Variants in TRIM3 observed in about 807,000 individuals in gnomAD.
TRIM3 encodes the protein tripartite motif-containing protein 3.
TRIM3 carries 13 observed loss-of-function variants against 66.6 expected under a neutral mutation model. The ratio of observed to expected loss-of-function variants is 0.20; its 90% CI spans 0.13 to 0.31. The LOEUF (loss-of-function observed/expected upper bound fraction) is 0.31. TRIM3 is among the 10% of genes least tolerant of loss of function. The pLI, the probability that TRIM3 is intolerant of heterozygous loss-of-function variation, is 1.00. For synonymous variants in TRIM3, 406 were observed against 411.7 expected (o/e 0.99, Z 0.17); for missense variants, 711 against 1,020.4 (o/e 0.70, Z 4.13).
At position 6,457,397 on chromosome 11, in the gene TRIM3, C is replaced by G. The variant is rs760883267; in HGVS notation, c.595G>C (p.Ala199Pro). ...TCCTCGAACGCTGCACTGATCTGGG[C>G]CAGGGCCTCTGCCTTGCGCTCCTGC... Reference protein sequence around the residue: ...QLQERKAEALAQISAAFEDLE... With the variant: ...QLQERKAEALPQISAAFEDLE... Residue 199 changes from alanine to proline, a missense_variant, in exon 5 of 12, where the codon GCC becomes CCC. By Grantham distance (27) the Ala-to-Pro change is conservative. This residue lies in a region of TRIM3 where 399 missense variants were observed against 458.1 expected (regional missense o/e 0.87). Transcript: ENST00000345851. The surrounding 1 kb of genome is among the most constrained non-coding windows in gnomAD (Gnocchi z 4.5). 6.2e-7 allele frequency: 1 copy of G among 1,613,780 alleles called. No homozygotes were observed. The highest frequency in any genetic ancestry group is 8.5e-7 in the Non-Finnish European group (1 of 1,179,864).
chr11:6,472,332 T>A (rs990892687), intron 1 of TRIM3, among the ~76,000 whole-genome samples: 104 of 152,340 alleles, frequency 6.8e-4, no homozygotes, highest in African/African-American at 2.3e-3. Context: ...CATGATTAAA[T>A]CCCATCTTGT....
In TRIM3 at chr11:6,456,763, A is replaced by C. The variant is rs796717938; in HGVS notation, c.963T>G (p.Thr321=). ...CTCCCGTGGCCACCGTTTCGTGTGC[A>C]GTGGCGCTCGTGGTGAGCAGTGCGC... is the stretch of plus-strand genomic sequence containing the variant. ...NLGALLTTSA[T]AHETVATGEG... is the part of the protein sequence containing the mutation. Residue 321 remains threonine, a synonymous_variant, in exon 6 of 12, where the codon ACT becomes ACG. Transcript: ENST00000345851. This position sits in a 1 kb window ranked among gnomAD's most constrained non-coding sequence, Gnocchi z 6.4. The C allele has an allele frequency of 1.2e-6, 2 of 1,611,900 alleles. No individual in the cohort carries two copies. The highest frequency in any genetic ancestry group is 2.7e-5 in the African/African-American group (2 of 75,076).
chr11:6,464,560 A>G (rs548986424), intron 2 of TRIM3, among the ~76,000 whole-genome samples: 1 of 152,312 alleles, frequency 6.6e-6, no homozygotes, highest in South Asian at 2.1e-4. Context: ...CTCTTTCACT[A>G]TACTGTTAGC....
chr11:6,455,709 A>T (rs1241206468), intron 7 of TRIM3, among the ~76,000 whole-genome samples: 1 of 152,196 alleles, frequency 6.6e-6, no homozygotes, highest in Non-Finnish European at 1.5e-5. Flanking sequence ...CACGGAGGGC[A>T]GGCCACCAGG....
At chr11:6,472,141 G>A (rs149519775) in intron 1 of TRIM3, among the ~76,000 whole-genome samples, 2,095 of 152,226 alleles carry the variant, frequency 0.014, 26 homozygotes, top group Non-Finnish European at 0.018. Context: ...TAAAAAGTTA[G>A]GAGATCTAGG....
At chr11:6,466,043 G>T (rs1164399822) in intron 1 of TRIM3, among the ~76,000 whole-genome samples, 1 of 152,186 alleles carries the variant, frequency 6.6e-6, no homozygotes, top group Non-Finnish European at 1.5e-5. Context: ...TAATTTGAGA[G>T]TGTGACATAG....
Position 6,456,931 on chromosome 11 carries a change from C to T in TRIM3, c.795G>A (p.Pro265=), listed in dbSNP as rs752144613. Residue 265 remains proline, a synonymous_variant, in exon 6 of 12, where the codon CCG becomes CCA. Coordinates refer to ENST00000345851, the MANE Select transcript of TRIM3 (RefSeq NM_033278.4). This position sits in a 1 kb window ranked among gnomAD's most constrained non-coding sequence, Gnocchi z 6.4. The part of the protein sequence containing the change: ...AEQALRLGSA[P]EVLLVRKHMR... ...TGTGCTTGCGCACCAGCAACACCTCCGGGGCCGAGCCCAGGCGCAGTGCCT... is the reference window on the plus strand; with the variant it reads ...TGTGCTTGCGCACCAGCAACACCTCTGGGGCCGAGCCCAGGCGCAGTGCCT... The T allele has an allele frequency of 1.1e-5, 18 of 1,610,832 alleles. No homozygotes were observed. Among genetic ancestry groups the T allele is most frequent in the East Asian group, 6.7e-5 (3 of 44,900 alleles).
Position 6,456,471 on chromosome 11 carries a change from G to T in TRIM3, c.1255C>A (p.Leu419Met). Reference protein sequence around the residue: ...VRGSPFRVRALRPGDLPPSPD... With the variant: ...VRGSPFRVRAMRPGDLPPSPD... ...GAAGGTGGCAGGTCCCCCGGACGCA[G>T]GGCACGCACGCGGAAGGGGCTGCCG... The change falls in exon 6 of 12, where the codon CTG becomes ATG. Residue 419 changes from leucine to methionine, a missense_variant. Physicochemically the swap from Leu to Met is conservative, Grantham distance 15. Coordinates refer to ENST00000345851, the MANE Select transcript of TRIM3 (RefSeq NM_033278.4). This position sits in a 1 kb window ranked among gnomAD's most constrained non-coding sequence, Gnocchi z 6.4. The T allele has an allele frequency of 1.3e-6, 2 of 1,547,874 alleles. No individual in the cohort carries two copies. Among genetic ancestry groups the T allele is most frequent in the Non-Finnish European group, 8.7e-7 (1 of 1,143,772 alleles).
chr11:6,456,664 C>A lies in TRIM3; in HGVS notation c.1062G>T (p.Leu354Phe). Reference protein sequence around the residue: ...TVTTKDKDGRLVRTGSAELRA... With the variant: ...TVTTKDKDGRFVRTGSAELRA... The stretch of plus-strand genomic sequence containing the variant: ...GCAGCTCAGCGCTGCCTGTGCGCAC[C>A]AACCGCCCGTCCTTGTCTTTGGTAG... The change falls in exon 6 of 12, where the codon TTG (leucine) becomes TTT (phenylalanine). Residue 354 changes from leucine (L) to phenylalanine (F), a missense_variant. By Grantham distance (22) the Leu-to-Phe change is conservative (BLOSUM62 0). Coordinates refer to ENST00000345851, the MANE Select transcript of TRIM3 (RefSeq NM_033278.4). This position sits in a 1 kb window ranked among gnomAD's most constrained non-coding sequence, Gnocchi z 6.4. 1 of 1,607,416 alleles carries A rather than the reference C, an allele frequency of 6.2e-7. No individual in the cohort carries two copies. Among genetic ancestry groups the A allele is most frequent in the Non-Finnish European group, 8.5e-7 (1 of 1,176,366 alleles).
Position 6,448,766 on chromosome 11 carries a change from G to T in TRIM3, c.*262C>A, listed in dbSNP as rs890539639. On this transcript the variant is annotated 3_prime_UTR_variant, in exon 12 of 12. Coordinates refer to ENST00000345851, the MANE Select transcript of TRIM3 (RefSeq NM_033278.4). ...GGATGGGGAGCAGACTGACAGGGGT[G>T]GGGAGGTGTGTAAGAAGGGTAGGGT... 1 of 613,920 alleles carries T rather than the reference G, an allele frequency of 1.6e-6. No individual in the cohort carries two copies. The highest frequency in any genetic ancestry group is 2.9e-6 in the Non-Finnish European group (1 of 345,044). The allele number at this position is 613,920 out of a possible 1,614,324, so 38.0% of individuals were successfully genotyped here. A position where few individuals can be genotyped will look rare whatever the true frequency, so the allele number is the denominator to read the frequency against.
chr11:6,469,960 T>C (rs1216381850), intron 1 of TRIM3, among the ~76,000 whole-genome samples: 2 of 152,108 alleles, frequency 1.3e-5, no homozygotes, highest in Admixed American at 1.3e-4. Flanking sequence ...GACACTGTGA[T>C]GGGAGGGCTA....
At position 6,449,046 on chromosome 11, in the gene TRIM3, G is replaced by A. The variant is rs773416791; in HGVS notation, c.2217C>T (p.Ala739=). 6.2e-7 allele frequency: 1 copy of A among 1,614,152 alleles called. No homozygotes were observed. The highest frequency in any genetic ancestry group is 1.7e-5 in the Admixed American group (1 of 60,030). ...TGTACAGCTACTGGAGGTAGCGATA[G>A]GCTTTAAAGCAGTGGTTGCCAGCAT... The part of the protein sequence containing the change: ...VADAGNHCFK[A]YRYLQ Residue 739 remains alanine (A), a synonymous_variant, in exon 12 of 12, where the codon GCC becomes GCT. Coordinates refer to ENST00000345851, the MANE Select transcript of TRIM3 (RefSeq NM_033278.4). The surrounding 1 kb of genome is among the most constrained non-coding windows in gnomAD (Gnocchi z 5.3).
Position 6,448,884 on chromosome 11 carries a change from G to A in TRIM3, c.*144C>T. On this transcript the variant is annotated 3_prime_UTR_variant, in exon 12 of 12. Coordinates refer to ENST00000345851, the MANE Select transcript of TRIM3 (RefSeq NM_033278.4). The stretch of plus-strand genomic sequence containing the variant: ...AATAAAGTGCAACCGTGGGGGTGGG[G>A]GTAGGAGAGGGAGGGCACCGGGTGC... The A allele has an allele frequency of 1.0e-6, 1 of 968,306 alleles. No homozygotes were observed. The highest frequency in any genetic ancestry group is 2.4e-5 in the East Asian group (1 of 41,236). 60.0% of individuals were successfully genotyped at this position (968,306 alleles called of 1,614,324 possible). A position where few individuals can be genotyped will look rare whatever the true frequency, so the allele number is the denominator to read the frequency against.
intron 2 of TRIM3, among the ~76,000 whole-genome samples, chr11:6,464,356 C>G (rs1360178593): frequency 1.3e-5 from 2 of 152,174 alleles, no homozygotes; most frequent in East Asian, 3.9e-4. Flanking sequence ...GTGCAGAATG[C>G]TCTTCCAACC....
At chr11:6,473,369 G>A (rs1231532340) in intron 1 of TRIM3, 1 of 129,906 alleles carries the variant, frequency 7.7e-6, no homozygotes, top group East Asian at 2.7e-4. Flanking sequence ...GGGGCGGGGG[G>A]TGGGGTAGGG....
intron 1 of TRIM3, among the ~76,000 whole-genome samples, chr11:6,471,778 AG>A (rs1850693222): frequency 6.6e-6 from 1 of 152,210 alleles, no homozygotes; most frequent in South Asian, 2.1e-4. Flanking sequence ...TTCCAGAGGA[AG>A]GGGTATTTGA....
chr11:6,456,444 G>T lies in TRIM3; in HGVS notation c.1282C>A (p.Pro428Thr). ...TTGACACGGCGCTTCACATCGTCCG[G>T]GGAAGGTGGCAGGTCCCCCGGACGC... ...ALRPGDLPPS[P>T]DDVKRRVKSP... Residue 428 changes from proline to threonine, a missense_variant, in exon 6 of 12, where the codon CCG becomes ACG. Around this residue, in one of 3 missense-constraint regions of TRIM3, gnomAD observed 399 missense variants for 458.1 expected, o/e 0.87. Coordinates refer to ENST00000345851, the MANE Select transcript of TRIM3 (RefSeq NM_033278.4). This position sits in a 1 kb window ranked among gnomAD's most constrained non-coding sequence, Gnocchi z 6.4. 1.3e-6 allele frequency: 2 copies of T among 1,538,280 alleles called. No homozygotes were observed. The highest frequency in any genetic ancestry group is 8.8e-7 in the Non-Finnish European group (1 of 1,139,916).
intron 1 of TRIM3, among the ~76,000 whole-genome samples, chr11:6,467,697 C>T (rs912214806): frequency 4.6e-5 from 7 of 151,704 alleles, no homozygotes; most frequent in African/African-American, 1.7e-4. Flanking sequence ...CCCAGGAGGT[C>T]GAGGCTGCAG....
chr11:6,449,241 G>A lies in TRIM3; in HGVS notation c.2083-61C>T, dbSNP rs2134150688. 1.9e-6 allele frequency: 3 copies of A among 1,609,652 alleles called. No individual in the cohort carries two copies. Among genetic ancestry groups the A allele is most frequent in the Middle Eastern group, 1.7e-4 (1 of 6,048 alleles). On this transcript the variant is annotated intron_variant, in intron 11 of 11. Transcript: ENST00000345851. The surrounding 1 kb of genome is among the most constrained non-coding windows in gnomAD (Gnocchi z 5.3). ...ATCAGGCAGATGAGAGTCTGTTTTG[G>A]GGGAACGGGCATATGGGACACACCA...
Sources: gnomAD v4.1 joint callset for allele counts (sites outside exome capture counted in the v4.1 genomes callset) on GRCh38, gnomAD v4.1.1 for gene constraint, gnomAD v4.1.1 regional missense constraint, Gnocchi (gnomAD v3.1) non-coding constraint, MANE v1.5 for transcripts, NCBI Gene and HGNC (gene_info 2026-07-23, HGNC 2026-07-21) for gene names.